Variants in VEZF1 observed in about 807,000 individuals in gnomAD.
VEZF1 encodes vascular endothelial zinc finger 1.
Under a neutral mutation model 44.1 loss-of-function variants are expected in VEZF1, and 5 were observed. That is an observed-to-expected ratio of 0.11 (90% CI 0.06 to 0.24). The LOEUF is 0.24. Ranked by LOEUF, VEZF1 falls within the 10% of genes least tolerant of loss-of-function variation. VEZF1 has a pLI of 1.00. For missense variants in VEZF1, 358 were observed against 641.8 expected (o/e 0.56, Z 4.78); for synonymous variants, 236 against 233.1 (o/e 1.01, Z -0.11).
At chr17:57,977,785 G>A (rs1280618825) in intron 5 of VEZF1, among the ~76,000 whole-genome samples, 1 of 151,086 alleles carries the variant, frequency 6.6e-6, no homozygotes, top group Non-Finnish European at 1.5e-5. Context: ...CGGAGGTTGT[G>A]GTGAGACAAG....
intron 5 of VEZF1, 104 bp downstream of exon 5, chr17:57,979,048 A>T: frequency 7.1e-7 from 1 of 1,412,872 alleles, no homozygotes; most frequent in Non-Finnish European, 9.6e-7. Flanking sequence ...TGTTTCCATT[A>T]AGCTAGATTT....
Position 57,978,229 on chromosome 17 carries a change from G to A in VEZF1, c.1138+923C>T, listed in dbSNP as rs184744212. Among the ~76,000 whole-genome samples, 510 of 151,886 alleles carry A rather than the reference G, an allele frequency of 3.4e-3. 3 individuals carry two copies. Among genetic ancestry groups the A allele is most frequent in the African/African-American group, 0.012 (497 of 41,444 alleles). On this transcript the variant is annotated intron_variant, in intron 5 of 5. Coordinates refer to ENST00000581208, the MANE Select transcript of VEZF1 (RefSeq NM_007146.3). ...AAAAAAGAAAAAAAAAAAACAGAAG[G>A]GATCACTCTGAGGAAGGGAAGAGCC...
chr17:57,982,739 T>C lies in VEZF1; in HGVS notation c.688A>G (p.Lys230Glu), dbSNP rs2075261614. 1 of 1,614,038 alleles carries C rather than the reference T, an allele frequency of 6.2e-7. No individual in the cohort carries two copies. Residue 230 changes from lysine to glutamate, a missense_variant, in exon 2 of 6, where the codon AAA (lysine) becomes GAA (glutamate). Lys to Glu is a moderately conservative substitution (Grantham distance 56). Around this residue, in one of 4 missense-constraint regions of VEZF1, gnomAD observed 48 missense variants for 144.9 expected, o/e 0.33. Transcript: ENST00000581208. ...HVRSHEGGIT[K>E]PYTCSVCGKG... ...CCACAAACACTGCAAGTATAGGGTT[T>C]GGTGATGCCTCCTTCATGAGACCTC... is the stretch of plus-strand genomic sequence containing the variant.
rs1319707558 is a variant in VEZF1 at position 57,973,401 on chromosome 17, C to T, written c.*1072G>A. 6.6e-6 allele frequency: 1 copy of T among 152,610 alleles called. No homozygotes were observed. Among genetic ancestry groups the T allele is most frequent in the Non-Finnish European group, 1.5e-5 (1 of 68,040 alleles). The allele number at this position is 152,610 out of a possible 1,614,324, so 9.5% of individuals were successfully genotyped here. The stretch of plus-strand genomic sequence containing the variant: ...GGAGAAATTTAAAAAAAGATACACT[C>T]TGCATGTTCTGAAGGGGCATACACT... On this transcript the variant is annotated 3_prime_UTR_variant, in exon 6 of 6. Coordinates refer to ENST00000581208, the MANE Select transcript of VEZF1 (RefSeq NM_007146.3).
intron 2 of VEZF1, 84 bp downstream of exon 2, chr17:57,982,615 T>A (rs2075260027): frequency 1.5e-6 from 2 of 1,358,182 alleles, no homozygotes; most frequent in African/African-American, 2.9e-5. Context: ...TGTTCTCACA[T>A]AAACATTCTA....
rs879056928 is a variant in VEZF1 at position 57,979,394 on chromosome 17, TC to T, written c.977-82del. 1.9e-6 allele frequency: 3 copies of T among 1,576,866 alleles called. No homozygotes were observed. In the South Asian group the frequency reaches 3.5e-5, roughly 18 times the overall value. ...TTTTTCAAAATTGACTTCTCATGCT[TC>T]TGTGATCTTAACCATTTAACCTGAT... On this transcript the variant is annotated intron_variant, in intron 4 of 5. Transcript: ENST00000581208.
chr17:57,988,136 T>A lies in VEZF1; in HGVS notation c.-25A>T. ...TGGCTGCGGCGGCCGACCCCCCTCC[T>A]CCCCACTCCCCCCGCTCGGGGAGCC... On this transcript the variant is annotated 5_prime_UTR_variant, in exon 1 of 6. Transcript: ENST00000581208. 2 of 715,360 alleles carry A rather than the reference T, an allele frequency of 2.8e-6. No homozygotes were observed. The highest frequency in any genetic ancestry group is 6.0e-5 in the South Asian group (1 of 16,658). The allele number at this position is 715,360 out of a possible 1,614,324, so 44.3% of individuals were successfully genotyped here.
Position 57,974,809 on chromosome 17 carries a change from C to T in VEZF1, c.1230G>A (p.Gly410=). The change falls in exon 6 of 6, where the codon GGG becomes GGA. Residue 410 remains glycine, a synonymous_variant. Transcript: ENST00000581208. ...PFSITSSVSS[G]TMSNPVTVAA... ...CCACTGTGACTGGGTTTGACATAGT[C>T]CCAGACGACACAGAGGATGTTATAC... is the stretch of plus-strand genomic sequence containing the variant. 1 of 1,614,082 alleles carries T rather than the reference C, an allele frequency of 6.2e-7. No homozygotes were observed. The highest frequency in any genetic ancestry group is 1.1e-5 in the South Asian group (1 of 91,080).
intron 3 of VEZF1, among the ~76,000 whole-genome samples, chr17:57,981,030 A>G (rs902866010): frequency 2.0e-5 from 3 of 152,230 alleles, no homozygotes; most frequent in African/African-American, 7.2e-5. Context: ...CTTTAGGGTA[A>G]GTTAAACCTG....
At chr17:57,980,870 C>T in intron 3 of VEZF1, 84 bp from the exon 4 acceptor site, 1 of 1,334,418 alleles carries the variant, frequency 7.5e-7, no homozygotes, top group South Asian at 1.3e-5. Flanking sequence ...GTGCATTACC[C>T]TATCCACATC....
In VEZF1 at chr17:57,979,122, A is replaced by G. The variant is rs112528240; in HGVS notation, c.1138+30T>C. 2.2e-3 allele frequency: 3,587 copies of G among 1,605,910 alleles called. 12 individuals are homozygous for G. The highest frequency in any genetic ancestry group is 4.1e-3 in the Admixed American group (241 of 59,506). ...ACTAAATGAAAACACTTCTCTAGCC[A>G]TATTTTCAACACTGGAAGCTGTGCC... On this transcript the variant is annotated intron_variant, in intron 5 of 5. Coordinates refer to ENST00000581208, the MANE Select transcript of VEZF1 (RefSeq NM_007146.3).
intron 4 of VEZF1, among the ~76,000 whole-genome samples, chr17:57,979,732 G>T (rs1036395073): frequency 3.9e-5 from 6 of 152,086 alleles, no homozygotes; most frequent in African/African-American, 1.2e-4. Context: ...GGCCGAGGCA[G>T]GTGGACTGTC....
At chr17:57,977,705 G>A (rs1016168536) in intron 5 of VEZF1, among the ~76,000 whole-genome samples, 3 of 151,954 alleles carry the variant, frequency 2.0e-5, no homozygotes, top group African/African-American at 4.8e-5. Flanking sequence ...TTAGCTGGGC[G>A]CGGTGGCACA....
At chr17:57,979,822 T>C (rs1306375032) in intron 4 of VEZF1, among the ~76,000 whole-genome samples, 1 of 150,856 alleles carries the variant, frequency 6.6e-6, no homozygotes, top group Non-Finnish European at 1.5e-5. Context: ...GTAGCAAAGG[T>C]AATCGGGCAT....
At position 57,974,863 on chromosome 17, in the gene VEZF1, C is replaced by T. The variant is rs768142992; in HGVS notation, c.1176G>A (p.Thr392=). The change falls in exon 6 of 6, where the codon ACG becomes ACA. Residue 392 remains threonine (T), a synonymous_variant. Coordinates refer to ENST00000581208, the MANE Select transcript of VEZF1 (RefSeq NM_007146.3). Reference sequence around the variant, plus strand: ...ATGGAGTAGTGAGAGTCACAGGTGTCGTAGCAGCCGTGGAGGTTTGGCACA... The same window carrying T: ...ATGGAGTAGTGAGAGTCACAGGTGTTGTAGCAGCCGTGGAGGTTTGGCACA... The part of the protein sequence containing the change: ...ANLCQTSTAA[T]TPVTLTTPFS... The T allele has an allele frequency of 1.3e-5, 21 of 1,613,828 alleles. No individual in the cohort carries two copies. Among genetic ancestry groups the T allele is most frequent in the South Asian group, 4.4e-5 (4 of 91,068 alleles).
At chr17:57,980,536 A>G in intron 4 of VEZF1, 67 bp downstream of exon 4, 1 of 1,469,790 alleles carries the variant, frequency 6.8e-7, no homozygotes, top group Non-Finnish European at 9.5e-7. Flanking sequence ...CCTTTGATAC[A>G]ATATGAAAAC....
At position 57,983,074 on chromosome 17, in the gene VEZF1, G is replaced by C; in HGVS notation, c.353C>G (p.Thr118Ser). Residue 118 changes from threonine to serine, a missense_variant, in exon 2 of 6, where the codon ACC (threonine) becomes AGC (serine). By Grantham distance (58) the Thr-to-Ser change is moderately conservative (BLOSUM62 1). Coordinates refer to ENST00000581208, the MANE Select transcript of VEZF1 (RefSeq NM_007146.3). Reference protein sequence around the residue: ...TPTTVVPLISTIAGDSSRTSL... With the variant: ...TPTTVVPLISSIAGDSSRTSL... Reference sequence around the variant, plus strand: ...AGTTCGGCTGCTGTCCCCAGCGATGGTAGAGATAAGGGGAACCACCGTGGT... The same window carrying C: ...AGTTCGGCTGCTGTCCCCAGCGATGCTAGAGATAAGGGGAACCACCGTGGT... The C allele has an allele frequency of 6.2e-7, 1 of 1,614,164 alleles. No individual in the cohort carries two copies. Among genetic ancestry groups the C allele is most frequent in the Admixed American group, 1.7e-5 (1 of 60,010 alleles).
chr17:57,982,878 G>A lies in VEZF1; in HGVS notation c.549C>T (p.Phe183=). Reference sequence around the variant, plus strand: ...GTCGATTGAGATGGTACACATCTCGGAAGGCCTTCCCACACATCTCACAAG... The same window carrying A: ...GTCGATTGAGATGGTACACATCTCGAAAGGCCTTCCCACACATCTCACAAG... ...NHACEMCGKA[F]RDVYHLNRHK... is the part of the protein sequence containing the mutation. The change falls in exon 2 of 6, where the codon TTC becomes TTT. Residue 183 remains phenylalanine, a synonymous_variant. Transcript: ENST00000581208. 1 of 1,614,138 alleles carries A rather than the reference G, an allele frequency of 6.2e-7. No individual in the cohort carries two copies. The highest frequency in any genetic ancestry group is 8.5e-7 in the Non-Finnish European group (1 of 1,180,020).
At chr17:57,985,909 A>C (rs1306356215) in intron 1 of VEZF1, 2 of 152,246 alleles carry the variant, frequency 1.3e-5, no homozygotes, top group East Asian at 3.8e-4. Context: ...ATGCTCCAGG[A>C]AACAAACAAG....
Sources: allele counts gnomAD v4.1 joint callset (sites outside exome capture counted in the v4.1 genomes callset), GRCh38; gene constraint gnomAD v4.1.1; regional missense constraint gnomAD v4.1.1; transcripts MANE v1.5; gene names NCBI Gene and HGNC (gene_info 2026-07-23, HGNC 2026-07-21).